The following DYNC1I1 variants were observed in gnomAD, a reference collection of about 807,000 sequenced individuals.
DYNC1I1 encodes cytoplasmic dynein 1 intermediate chain 1.
DYNC1I1 carries 43 observed loss-of-function variants against 86.6 expected under a neutral mutation model. The ratio of observed to expected loss-of-function variants is 0.50; its 90% confidence interval spans 0.39 to 0.64. The LOEUF is 0.64. Among genes scored for constraint, DYNC1I1 ranks in the 30% least tolerant of loss-of-function variants. The probability of loss-of-function intolerance (pLI) is 0.00; values close to 1 mark genes in which losing one functional copy is unlikely to be tolerated. For synonymous variants in DYNC1I1, 262 were observed against 283.7 expected (o/e 0.92, Z 0.77); for missense variants, 604 against 788.8 (o/e 0.77, Z 2.81).
At chr7:95,893,598 G>T (rs971660340) in intron 6 of DYNC1I1, among the ~76,000 whole-genome samples, 2 of 152,134 alleles carry the variant, frequency 1.3e-5, no homozygotes, top group African/African-American at 4.8e-5. Context: ...CCTTACTCCT[G>T]TTCCTATACA....
intron 11 of DYNC1I1, among the ~76,000 whole-genome samples, chr7:96,028,908 G>T (rs1469853989): frequency 6.6e-6 from 1 of 152,128 alleles, no homozygotes; most frequent in Non-Finnish European, 1.5e-5. Flanking sequence ...CAACTACTCT[G>T]TCATTTCCTT....
At chr7:96,026,423 T>G (rs956158830) in intron 10 of DYNC1I1, among the ~76,000 whole-genome samples, 3 of 149,862 alleles carry the variant, frequency 2.0e-5, no homozygotes, top group Admixed American at 6.6e-5. Flanking sequence ...AGGTCATAGG[T>G]TTTTTTTTGG....
intron 1 of DYNC1I1, among the ~76,000 whole-genome samples, chr7:95,790,360 T>G (rs912992742): frequency 6.6e-6 from 1 of 152,198 alleles, no homozygotes; most frequent in Non-Finnish European, 1.5e-5. Flanking sequence ...CCATATCTCA[T>G]TACTTGTCCC....
chr7:95,926,071 C>T (rs770550208), intron 6 of DYNC1I1, among the ~76,000 whole-genome samples: 4 of 152,098 alleles, frequency 2.6e-5, no homozygotes, highest in Non-Finnish European at 5.9e-5. Context: ...GAGAGTGCTA[C>T]AGGAGTTAAA....
chr7:96,058,118 A>G (rs994810820), intron 14 of DYNC1I1, among the ~76,000 whole-genome samples: 1 of 152,226 alleles, frequency 6.6e-6, no homozygotes, highest in Non-Finnish European at 1.5e-5. Context: ...TGCAAGAATA[A>G]CAGCACAAAT....
chr7:96,044,564 G>A (rs151193436), intron 14 of DYNC1I1, among the ~76,000 whole-genome samples: 1,608 of 152,112 alleles, frequency 0.011, 30 homozygotes, highest in African/African-American at 0.036. Context: ...AGAAAGGGCC[G>A]TGAAAATGTT....
intron 14 of DYNC1I1, among the ~76,000 whole-genome samples, chr7:96,048,049 C>CT (rs1789271599): frequency 6.6e-6 from 1 of 151,980 alleles, no homozygotes; most frequent in South Asian, 2.1e-4. Flanking sequence ...TCCCCCATTT[C>CT]TTCGGTGGAG....
chr7:96,075,653 G>A (rs1316971822), intron 14 of DYNC1I1, among the ~76,000 whole-genome samples: 2 of 152,184 alleles, frequency 1.3e-5, no homozygotes, highest in South Asian at 4.1e-4. Flanking sequence ...GGGGCGGTCG[G>A]GACCGCCGGG....
intron 10 of DYNC1I1, among the ~76,000 whole-genome samples, chr7:96,004,321 A>G (rs1417114358): frequency 6.6e-6 from 1 of 152,182 alleles, no homozygotes; most frequent in Non-Finnish European, 1.5e-5. Context: ...CCTTGAAAAT[A>G]TATTGAGTTT....
At chr7:95,896,488 A>G (rs1053303182) in intron 6 of DYNC1I1, among the ~76,000 whole-genome samples, 1 of 152,214 alleles carries the variant, frequency 6.6e-6, no homozygotes, top group African/African-American at 2.4e-5. Context: ...CAGCAACTTT[A>G]TGAGTTAAGT....
intron 10 of DYNC1I1, among the ~76,000 whole-genome samples, chr7:96,005,056 A>G (rs1315040500): frequency 6.7e-6 from 1 of 150,164 alleles, no homozygotes; most frequent in East Asian, 1.9e-4. Context: ...ATTAAAATAT[A>G]AGAGTATGAG....
At chr7:95,969,161 G>A (rs1793100394) in intron 6 of DYNC1I1, among the ~76,000 whole-genome samples, 2 of 152,156 alleles carry the variant, frequency 1.3e-5, no homozygotes, top group East Asian at 1.9e-4. Context: ...TAGTCTATCA[G>A]TTTGAGTTAG....
intron 5 of DYNC1I1, among the ~76,000 whole-genome samples, chr7:95,839,887 A>C (rs1300057490): frequency 6.6e-6 from 1 of 152,026 alleles, no homozygotes. Flanking sequence ...AGCACTTTGA[A>C]TATATCACAC....
rs368554785 is a variant in DYNC1I1 at position 96,015,521 on chromosome 7, TC to T, written c.970-12646del. 5.4e-3 allele frequency among the ~76,000 whole-genome samples: 815 copies of T among 151,868 alleles called. 9 individuals are homozygous for T. The highest frequency in any genetic ancestry group is 0.019 in the African/African-American group (781 of 41,396). On this transcript the variant is annotated intron_variant, in intron 10 of 16. Coordinates refer to ENST00000447467, the MANE Select transcript of DYNC1I1 (RefSeq NM_001135556.2). ...AAGTGTTGTAAATTTAATCATTTGA[TC>T]CCCCCCCAGAATTTTTATTCACATA...
intron 14 of DYNC1I1, among the ~76,000 whole-genome samples, chr7:96,064,832 A>G (rs1789912930): frequency 6.6e-6 from 1 of 152,042 alleles, no homozygotes; most frequent in South Asian, 2.1e-4. Flanking sequence ...CATTTGCCAG[A>G]TTGTATGCCA....
chr7:95,900,189 C>T (rs1791000679), intron 6 of DYNC1I1, among the ~76,000 whole-genome samples: 1 of 152,172 alleles, frequency 6.6e-6, no homozygotes, highest in African/African-American at 2.4e-5. Flanking sequence ...AGCCTGTGCT[C>T]AGCATGCCAC....
chr7:96,106,405 G>A (rs1246976111), intron 16 of DYNC1I1, among the ~76,000 whole-genome samples: 1 of 151,920 alleles, frequency 6.6e-6, no homozygotes, highest in Non-Finnish European at 1.5e-5. Flanking sequence ...TGTGGTGGCC[G>A]GCGCCTATAA....
chr7:95,885,880 A>G (rs1790579682), intron 6 of DYNC1I1, among the ~76,000 whole-genome samples: 1 of 152,234 alleles, frequency 6.6e-6, no homozygotes, highest in Admixed American at 6.5e-5. Context: ...TTAAAAACCC[A>G]CAACATTTTT....
At chr7:95,938,089 A>G (rs1024597507) in intron 6 of DYNC1I1, among the ~76,000 whole-genome samples, 2 of 152,018 alleles carry the variant, frequency 1.3e-5, no homozygotes, top group East Asian at 1.9e-4. Flanking sequence ...GTGCTTCTCA[A>G]TTCCCTCTTG....
Sources: gnomAD v4.1 joint callset for allele counts (sites outside exome capture counted in the v4.1 genomes callset) on GRCh38, gnomAD v4.1.1 for gene constraint, MANE v1.5 for transcripts, NCBI Gene and HGNC (gene_info 2026-07-23, HGNC 2026-07-21) for gene names.